FAF2: variants seen among roughly 807,000 people sequenced by gnomAD.
The protein encoded by FAF2 is FAS-associated factor 2.
FAF2 carries 9 observed loss-of-function variants against 62.3 expected under a neutral mutation model. The ratio of observed to expected loss-of-function variants is 0.14; its 90% CI spans 0.09 to 0.25. The LOEUF is 0.25. FAF2 is among the 10% of genes least tolerant of loss of function. The pLI, the probability that FAF2 is intolerant of heterozygous loss-of-function variation, is 1.00. For synonymous variants in FAF2, 202 were observed against 198.0 expected (o/e 1.02, Z -0.17); for missense variants, 368 against 556.2 (o/e 0.66, Z 3.40).
At chr5:176,450,870 G>A (rs1216560650) in intron 1 of FAF2, among the ~76,000 whole-genome samples, 2 of 152,250 alleles carry the variant, frequency 1.3e-5, no homozygotes, top group Admixed American at 1.3e-4. Flanking sequence ...TTAGAAGAGA[G>A]GTGGGTAGCA....
Position 176,507,271 on chromosome 5 carries a change from G to T in FAF2, c.*321G>T, listed in dbSNP as rs1178829297. 4.4e-6 allele frequency: 2 copies of T among 454,084 alleles called. No individual in the cohort carries two copies. Among genetic ancestry groups the T allele is most frequent in the East Asian group, 1.4e-4 (2 of 14,238 alleles). The allele number at this position is 454,084 out of a possible 1,614,324, so 28.1% of individuals were successfully genotyped here. A position where few individuals can be genotyped will look rare whatever the true frequency, so the allele number is the denominator to read the frequency against. Reference sequence around the variant, plus strand: ...CACCTTCGACCCATCCATTGTCCCAGCTGGGAAGGGGACATTCCCACTAGT... The same window carrying T: ...CACCTTCGACCCATCCATTGTCCCATCTGGGAAGGGGACATTCCCACTAGT... On this transcript the variant is annotated 3_prime_UTR_variant, in exon 11 of 11. Transcript: ENST00000261942.
intron 1 of FAF2, among the ~76,000 whole-genome samples, chr5:176,450,837 G>A (rs1187197697): frequency 1.3e-5 from 2 of 152,120 alleles, no homozygotes; most frequent in African/African-American, 4.8e-5. Context: ...CGCCGCGCCC[G>A]GCCAAAACTG....
At chr5:176,492,148 A>G in intron 4 of FAF2, 46 bp from the exon 5 acceptor site, 1 of 1,612,558 alleles carries the variant, frequency 6.2e-7, no homozygotes, top group Non-Finnish European at 8.5e-7. Flanking sequence ...CTCGATATGC[A>G]CTGTAGTAAG....
intron 2 of FAF2, among the ~76,000 whole-genome samples, chr5:176,482,944 A>T (rs1388456369): frequency 1.3e-5 from 2 of 151,774 alleles, no homozygotes; most frequent in East Asian, 3.9e-4. Flanking sequence ...GTTGGCCAGG[A>T]TGGTCTTGGT....
At chr5:176,482,840 TG>T (rs1246423791) in intron 2 of FAF2, among the ~76,000 whole-genome samples, 1 of 152,018 alleles carries the variant, frequency 6.6e-6, no homozygotes, top group Non-Finnish European at 1.5e-5. Flanking sequence ...AATTTGCAAA[TG>T]TTTTCTCCCT....
intron 1 of FAF2, 150 bp from the exon 2 acceptor site, chr5:176,479,038 A>G: frequency 1.5e-6 from 1 of 673,230 alleles, no homozygotes; most frequent in South Asian, 1.7e-5. Context: ...AGCTGACTGT[A>G]TAAATTCTGA....
At chr5:176,470,556 A>G (rs999018658) in intron 1 of FAF2, among the ~76,000 whole-genome samples, 3 of 152,282 alleles carry the variant, frequency 2.0e-5, no homozygotes, top group African/African-American at 7.2e-5. Context: ...CAGCCTGGGC[A>G]ACAAAGAGCG....
chr5:176,494,669 C>G lies in FAF2; in HGVS notation c.661+394C>G, dbSNP rs1008406203. Reference sequence around the variant, plus strand: ...TCCTGGGTTCAAGCGATTGTCCTGCCTCAGCCTCCTGAGTAGCTGGAACTA... The same window carrying G: ...TCCTGGGTTCAAGCGATTGTCCTGCGTCAGCCTCCTGAGTAGCTGGAACTA... On this transcript the variant is annotated intron_variant, in intron 7 of 10. Transcript: ENST00000261942. This position sits in a 1 kb window ranked among gnomAD's most constrained non-coding sequence, Gnocchi z 4.0. Among the ~76,000 whole-genome samples, 5 of 152,150 alleles carry G rather than the reference C, an allele frequency of 3.3e-5. No homozygotes were observed. Among genetic ancestry groups the G allele is most frequent in the Admixed American group, 3.3e-4 (5 of 15,274 alleles).
rs1755713315 is a variant in FAF2, at chr5:176,507,941, C to T, written c.*991C>T. The T allele has an allele frequency of 6.5e-6, 1 of 152,708 alleles. No homozygotes were observed. Among genetic ancestry groups the T allele is most frequent in the Admixed American group, 6.5e-5 (1 of 15,290 alleles). 9.5% of individuals were successfully genotyped at this position (152,708 alleles called of 1,614,324 possible). A position where few individuals can be genotyped will look rare whatever the true frequency, so the allele number is the denominator to read the frequency against. On this transcript the variant is annotated 3_prime_UTR_variant, in exon 11 of 11. Coordinates refer to ENST00000261942, the MANE Select transcript of FAF2 (RefSeq NM_014613.3). The stretch of plus-strand genomic sequence containing the variant: ...GCTGCTCCCCCCAGCCCTGGGCTTT[C>T]CTGAATTGCCAAGCCTGGTGCCTTT...
In FAF2 at chr5:176,499,115, G is replaced by A. The variant is rs780391646; in HGVS notation, c.1011+30G>A. ...TGGACGTGTGGCTTTACTCCCTGTG[G>A]TTCCCAAACTGCCGAGACTTTGCCA... On this transcript the variant is annotated intron_variant, in intron 9 of 10. Coordinates refer to ENST00000261942, the MANE Select transcript of FAF2 (RefSeq NM_014613.3). 3.9e-6 allele frequency: 6 copies of A among 1,533,434 alleles called. No individual in the cohort carries two copies. In the African/African-American group the frequency reaches 8.2e-5, roughly 21 times the overall value. The allele number at this position is 1,533,434 out of a possible 1,614,324, so 95.0% of individuals were successfully genotyped here.
At chr5:176,488,698 C>T (rs1758917101) in intron 3 of FAF2, among the ~76,000 whole-genome samples, 1 of 152,094 alleles carries the variant, frequency 6.6e-6, no homozygotes, top group South Asian at 2.1e-4. Flanking sequence ...GCTGGGATTA[C>T]AGGCAGGAGA....
intron 1 of FAF2, among the ~76,000 whole-genome samples, chr5:176,458,658 C>A (rs958007123): frequency 6.6e-6 from 1 of 151,994 alleles, no homozygotes. Flanking sequence ...CCCACCTCAG[C>A]CTTCCAAAGT....
At chr5:176,498,198 A>G (rs1349977512) in intron 8 of FAF2, among the ~76,000 whole-genome samples, 2 of 152,254 alleles carry the variant, frequency 1.3e-5, no homozygotes, top group East Asian at 3.8e-4. Flanking sequence ...GTGTAAAAAA[A>G]TGTATAGAAC....
intron 1 of FAF2, among the ~76,000 whole-genome samples, chr5:176,458,455 G>T (rs140196260): frequency 9.1e-6 from 1 of 109,888 alleles, no homozygotes. Flanking sequence ...TCTCACCCAC[G>T]CTGGAGTGCG....
chr5:176,505,651 A>G (rs1476668647), intron 10 of FAF2, among the ~76,000 whole-genome samples: 1 of 152,162 alleles, frequency 6.6e-6, no homozygotes, highest in Non-Finnish European at 1.5e-5. Context: ...AGTCCATTGT[A>G]TCATTCTTTT....
At chr5:176,474,027 C>T (rs1255278813) in intron 1 of FAF2, among the ~76,000 whole-genome samples, 2 of 152,212 alleles carry the variant, frequency 1.3e-5, no homozygotes, top group Non-Finnish European at 2.9e-5. Context: ...TATTAGAAAC[C>T]AAGTTCTAGG....
At chr5:176,500,222 A>C in intron 10 of FAF2, 76 bp downstream of exon 10, 2 of 1,433,172 alleles carry the variant, frequency 1.4e-6, no homozygotes, top group Non-Finnish European at 1.9e-6. Flanking sequence ...GACTCTTGAG[A>C]GTGGTGTTGG....
rs768320293 is a variant in FAF2, at chr5:176,496,592, T to C, written c.768T>C (p.Asp256=). 2 of 1,612,680 alleles carry C rather than the reference T, an allele frequency of 1.2e-6. No individual in the cohort carries two copies. Among genetic ancestry groups the C allele is most frequent in the South Asian group, 2.2e-5 (2 of 90,992 alleles). Residue 256 remains aspartate, a synonymous_variant, in exon 8 of 11, where the codon GAT becomes GAC. Coordinates refer to ENST00000261942, the MANE Select transcript of FAF2 (RefSeq NM_014613.3). Reference sequence around the variant, plus strand: ...GGCTAGAAGGCCTCATTCAACCTGATGACCTCATTAACCAACTGACATTTA... The same window carrying C: ...GGCTAGAAGGCCTCATTCAACCTGACGACCTCATTAACCAACTGACATTTA... The part of the protein sequence containing the change: ...VGRLEGLIQP[D]DLINQLTFIM...
chr5:176,483,475 T>G (rs1460100895), intron 2 of FAF2, among the ~76,000 whole-genome samples: 1 of 152,230 alleles, frequency 6.6e-6, no homozygotes, highest in African/African-American at 2.4e-5. Context: ...CACTTTCTTT[T>G]GCATGTGGAT....
Sources: gnomAD v4.1 joint callset for allele counts (sites outside exome capture counted in the v4.1 genomes callset) on GRCh38, gnomAD v4.1.1 for gene constraint, Gnocchi (gnomAD v3.1) non-coding constraint, MANE v1.5 for transcripts, NCBI Gene and HGNC (gene_info 2026-07-23, HGNC 2026-07-21) for gene names.